FLT1: variants seen among roughly 807,000 people sequenced by gnomAD.
FLT1 encodes vascular endothelial growth factor receptor 1.
Under a neutral mutation model 156.3 loss-of-function variants are expected in FLT1, and 49 were observed. That is an observed-to-expected ratio of 0.31 (90% CI 0.25 to 0.40). The LOEUF is 0.40. Among genes scored for constraint, FLT1 ranks in the 10% least tolerant of loss-of-function variants. The pLI is 1.00. For missense variants in FLT1, 1,322 were observed against 1,637.2 expected (o/e 0.81, Z 3.32); for synonymous variants, 594 against 583.8 (o/e 1.02, Z -0.25).
intron 8 of FLT1, among the ~76,000 whole-genome samples, chr13:28,429,303 T>C (rs1258385686): frequency 6.6e-6 from 1 of 152,192 alleles, no homozygotes; most frequent in Non-Finnish European, 1.5e-5. Flanking sequence ...GATTCTAAAA[T>C]GGCGCCACAT....
intron 10 of FLT1, among the ~76,000 whole-genome samples, chr13:28,413,775 C>T (rs1328313211): frequency 6.6e-6 from 1 of 152,170 alleles, no homozygotes; most frequent in African/African-American, 2.4e-5. Context: ...GTGGTCAATA[C>T]TGAAACATCC....
intron 15 of FLT1, among the ~76,000 whole-genome samples, chr13:28,357,315 C>T (rs1420038474): frequency 6.6e-6 from 1 of 152,124 alleles, no homozygotes; most frequent in Non-Finnish European, 1.5e-5. Context: ...AACGACTTCT[C>T]CCGCAGACAC....
chr13:28,466,846 A>G (rs1393251709), intron 3 of FLT1, 57 bp downstream of exon 3: 6 of 1,217,302 alleles, frequency 4.9e-6, no homozygotes, highest in Non-Finnish European at 7.3e-6. Flanking sequence ...ATCAGGGTAG[A>G]TTTATGACTC....
chr13:28,403,681 A>G (rs1208297955), intron 11 of FLT1, among the ~76,000 whole-genome samples: 3 of 152,222 alleles, frequency 2.0e-5, no homozygotes, highest in Non-Finnish European at 4.4e-5. Flanking sequence ...GCATCTTGAC[A>G]TTTTTCTAGT....
intron 14 of FLT1, among the ~76,000 whole-genome samples, chr13:28,362,339 C>T (rs1282039759): frequency 6.6e-6 from 1 of 152,180 alleles, no homozygotes; most frequent in Non-Finnish European, 1.5e-5. Context: ...AGCATTGAAG[C>T]TTTGAGAAGT....
chr13:28,442,513 A>G (rs1234434907), intron 3 of FLT1, among the ~76,000 whole-genome samples: 2 of 152,224 alleles, frequency 1.3e-5, no homozygotes, highest in African/African-American at 4.8e-5. Flanking sequence ...CTTAAATTTT[A>G]CTACAGCTAT....
intron 1 of FLT1, among the ~76,000 whole-genome samples, chr13:28,477,819 T>C (rs1253228391): frequency 6.6e-6 from 1 of 152,186 alleles, no homozygotes; most frequent in African/African-American, 2.4e-5. Context: ...TGGATCATAA[T>C]TGCCAGTAGT....
intron 3 of FLT1, among the ~76,000 whole-genome samples, chr13:28,459,046 A>G (rs1165915476): frequency 6.6e-6 from 1 of 152,222 alleles, no homozygotes; most frequent in Non-Finnish European, 1.5e-5. Flanking sequence ...CTGACCTTGC[A>G]CTAGGTTTTT....
chr13:28,337,770 A>T (rs920640507), intron 17 of FLT1, among the ~76,000 whole-genome samples: 1 of 152,128 alleles, frequency 6.6e-6, no homozygotes, highest in Non-Finnish European at 1.5e-5. Flanking sequence ...GTGGATCACA[A>T]TGATACTAGG....
intron 14 of FLT1, among the ~76,000 whole-genome samples, chr13:28,372,062 ATATATATATATATATTT>A (rs1420502897): frequency 0.079 from 2,574 of 32,424 alleles, 48 homozygotes; most frequent in Non-Finnish European, 0.11. Flanking sequence ...ATATATATAT[ATATATATATATATATTT>A]TTTTTTTTTT....
intron 18 of FLT1, among the ~76,000 whole-genome samples, chr13:28,332,234 G>GA (rs552916477): frequency 4.6e-5 from 7 of 150,962 alleles, no homozygotes; most frequent in Admixed American, 4.0e-4. Context: ...TCTCTTAGAA[G>GA]AAAAAAAAAT....
intron 1 of FLT1, among the ~76,000 whole-genome samples, chr13:28,491,971 GAGTA>G (rs1881494812): frequency 6.6e-6 from 1 of 152,192 alleles, no homozygotes; most frequent in Admixed American, 6.5e-5. Context: ...TGAGGAACTG[GAGTA>G]AGTAGTCACC....
At chr13:28,479,425 C>G (rs1880721691) in intron 1 of FLT1, among the ~76,000 whole-genome samples, 1 of 151,990 alleles carries the variant, frequency 6.6e-6, no homozygotes. Flanking sequence ...ATTTTTTATT[C>G]TGGGTTTTTC....
intron 8 of FLT1, 67 bp downstream of exon 8, chr13:28,429,983 T>C: frequency 9.7e-7 from 1 of 1,035,676 alleles, no homozygotes. Flanking sequence ...TTCGAGTCAT[T>C]AGGCTCTTGC....
At chr13:28,453,056 CCTTT>C (rs1879057129) in intron 3 of FLT1, among the ~76,000 whole-genome samples, 1 of 2,018 alleles carries the variant, frequency 5.0e-4, no homozygotes, top group African/African-American at 3.1e-3. Context: ...CCTTTCCTTT[CCTTT>C]CCTTTCCTTT....
intron 11 of FLT1, among the ~76,000 whole-genome samples, chr13:28,398,746 A>G (rs1875225989): frequency 6.6e-6 from 1 of 152,236 alleles, no homozygotes; most frequent in Non-Finnish European, 1.5e-5. Context: ...TTGAGTGATT[A>G]TCAAGGCATT....
chr13:28,451,612 C>T (rs1414956602), intron 3 of FLT1, among the ~76,000 whole-genome samples: 2 of 126,320 alleles, frequency 1.6e-5, no homozygotes, highest in Non-Finnish European at 3.3e-5. Context: ...TAGCTGTGTG[C>T]GGGGCGGCGG....
chr13:28,371,230 T>C (rs1400628979), intron 14 of FLT1, among the ~76,000 whole-genome samples: 1 of 152,218 alleles, frequency 6.6e-6, no homozygotes, highest in Admixed American at 6.5e-5. Flanking sequence ...TTTATTTTCA[T>C]CATAACAGTG....
chr13:28,471,568 C>T (rs1489948597), intron 1 of FLT1, among the ~76,000 whole-genome samples: 1 of 152,172 alleles, frequency 6.6e-6, no homozygotes, highest in Non-Finnish European at 1.5e-5. Flanking sequence ...TGTACGTACC[C>T]ATAAACACAT....
Sources: allele counts gnomAD v4.1 joint callset (sites outside exome capture counted in the v4.1 genomes callset), GRCh38; gene constraint gnomAD v4.1.1; transcripts MANE v1.5; gene names NCBI Gene and HGNC (gene_info 2026-07-23, HGNC 2026-07-21).